Variants in NCALD observed in about 807,000 individuals in gnomAD.
NCALD encodes the protein neurocalcin-delta.
A neutral mutation model predicts 18.6 loss-of-function variants in NCALD; 10 were observed. The ratio of observed to expected loss-of-function variants is 0.54; its 90% CI spans 0.33 to 0.91. The LOEUF (loss-of-function observed/expected upper bound fraction) is 0.91, where lower values mean the gene tolerates loss of function less well. NCALD is among the 40% of genes least tolerant of loss of function. The pLI is 0.03. For synonymous variants in NCALD, 88 were observed against 87.4 expected (o/e 1.01, Z -0.04); for missense variants, 184 against 247.6 (o/e 0.74, Z 1.72).
At chr8:101,794,623 G>A (rs117418441), upstream of NCALD, among the ~76,000 whole-genome samples, 168 of 152,190 alleles carry the variant, frequency 1.1e-3, 7 homozygotes, top group East Asian at 0.022. Context: ...AACTGACATC[G>A]AGTGCTTACT....
chr8:101,816,927 T>A (rs1214728435), intron 4 of NCALD, among the ~76,000 whole-genome samples: 1 of 152,146 alleles, frequency 6.6e-6, no homozygotes, highest in Non-Finnish European at 1.5e-5. Flanking sequence ...CATCTTCCTC[T>A]TAACTTTGCT....
intron 4 of NCALD, among the ~76,000 whole-genome samples, chr8:101,884,662 ACTCT>A (rs1816610142): frequency 6.6e-6 from 1 of 151,746 alleles, no homozygotes; most frequent in South Asian, 2.1e-4. Context: ...GAAATAAACT[ACTCT>A]CTATTTTTTT....
intron 1 of NCALD, among the ~76,000 whole-genome samples, chr8:101,787,008 C>T (rs1432256447): frequency 6.6e-6 from 1 of 152,180 alleles, no homozygotes; most frequent in Non-Finnish European, 1.5e-5. Context: ...CAATATTTAT[C>T]ATATAATTTT....
At chr8:101,812,785 A>G (rs1486101904) in intron 4 of NCALD, among the ~76,000 whole-genome samples, 2 of 152,182 alleles carry the variant, frequency 1.3e-5, no homozygotes, top group Admixed American at 6.6e-5. Flanking sequence ...GGGCCTCTGT[A>G]GTTCCTACAA....
In NCALD at chr8:102,052,976, C is replaced by A. The variant is rs1294391605; in HGVS notation, c.-209-32687G>T. ...TCTTAGCCTGAGGGTCATACAAAAACAAGTATTGGGCCAGACTGAGCCCAC... is the reference window on the plus strand; with the variant it reads ...TCTTAGCCTGAGGGTCATACAAAAAAAAGTATTGGGCCAGACTGAGCCCAC... On this transcript the variant is annotated intron_variant, in intron 1 of 6. Coordinates refer to the NCALD transcript ENST00000311028. 2.6e-5 allele frequency among the ~76,000 whole-genome samples: 4 copies of A among 152,138 alleles called. No individual in the cohort carries two copies. The South Asian group carries it at 8.3e-4, about 31-fold the overall frequency.
Position 102,107,195 on chromosome 8 carries a change from C to CATATATAT in NCALD, c.-210+17034_-210+17041dup, listed in dbSNP as rs67447416. On this transcript the variant is annotated intron_variant, in intron 1 of 6. Coordinates refer to the NCALD transcript ENST00000311028. ...TATCTACAGCCTATATATGTGTGTACATATATATATATATATATATATATA... is the reference window on the plus strand; with the variant it reads ...TATCTACAGCCTATATATGTGTGTACATATATATATATATATATATATATATATATATA... Among the ~76,000 whole-genome samples the CATATATAT allele has an allele frequency of 3.0e-3, 265 of 89,252 alleles. 4 individuals are homozygous for CATATATAT. Among genetic ancestry groups the CATATATAT allele is most frequent in the Middle Eastern group, 7.4e-3 (1 of 136 alleles). 58.6% of individuals were successfully genotyped at this position (89,252 alleles called of 152,430 possible). A position where few individuals can be genotyped will look rare whatever the true frequency, so the allele number is the denominator to read the frequency against.
At position 102,025,198 on chromosome 8, in the gene NCALD, T is replaced by A. The variant is rs556864500; in HGVS notation, c.-209-4909A>T. Among the ~76,000 whole-genome samples, 26 of 152,260 alleles carry A rather than the reference T, an allele frequency of 1.7e-4. No homozygotes were observed. In the East Asian group the frequency reaches 2.7e-3, roughly 16 times the overall value. On this transcript the variant is annotated intron_variant, in intron 1 of 6. Transcript: ENST00000311028. Reference sequence around the variant, plus strand: ...GAGGCCCCTCGCTAGCTACTCTTCATTCACCTAACTTGAACTCATTCTTCA... The same window carrying A: ...GAGGCCCCTCGCTAGCTACTCTTCAATCACCTAACTTGAACTCATTCTTCA...
intron 4 of NCALD, among the ~76,000 whole-genome samples, chr8:101,849,695 C>T (rs1815013953): frequency 6.6e-6 from 1 of 152,054 alleles, no homozygotes; most frequent in African/African-American, 2.4e-5. Context: ...TAAAATTAGC[C>T]AACTGTGATG....
chr8:101,964,441 C>T (rs1253309153), intron 2 of NCALD, among the ~76,000 whole-genome samples: 3 of 152,148 alleles, frequency 2.0e-5, no homozygotes, highest in African/African-American at 7.2e-5. Flanking sequence ...GGTGACAATG[C>T]AGGGTCCCAG....
intron 1 of NCALD, among the ~76,000 whole-genome samples, chr8:102,119,236 C>T (rs1217278286): frequency 6.6e-6 from 1 of 152,146 alleles, no homozygotes; most frequent in Non-Finnish European, 1.5e-5. Context: ...AACAGTATTC[C>T]ACCTTAAAAA....
intron 2 of NCALD, among the ~76,000 whole-genome samples, chr8:102,019,538 T>G (rs1185072953): frequency 1.3e-5 from 2 of 152,174 alleles, no homozygotes; most frequent in Non-Finnish European, 1.5e-5. Context: ...ATTTCTTTCC[T>G]CAAAGAAAAC....
chr8:101,815,405 T>C (rs1384041027), intron 4 of NCALD, among the ~76,000 whole-genome samples: 1 of 152,110 alleles, frequency 6.6e-6, no homozygotes, highest in Non-Finnish European at 1.5e-5. Context: ...AACAATTGGA[T>C]ATCCACATAC....
At chr8:101,784,986 A>C (rs986446375) in intron 1 of NCALD, among the ~76,000 whole-genome samples, 16 of 152,202 alleles carry the variant, frequency 1.1e-4, no homozygotes, top group Non-Finnish European at 2.2e-4. Context: ...TGTTGAATGA[A>C]ATGACGGTAT....
intron 3 of NCALD, chr8:101,692,339 C>T: frequency 1.0e-6 from 1 of 985,360 alleles, no homozygotes; most frequent in Non-Finnish European, 1.2e-6. Context: ...TCAGTGCATG[C>T]ACAGGAGACC....
At chr8:102,031,543 A>C (rs1822669889) in intron 1 of NCALD, among the ~76,000 whole-genome samples, 1 of 152,196 alleles carries the variant, frequency 6.6e-6, no homozygotes, top group Admixed American at 6.5e-5. Context: ...ATGATGCTAC[A>C]TATTTGATGT....
intron 1 of NCALD, chr8:101,785,714 T>C (rs1812198100): frequency 6.6e-6 from 1 of 152,164 alleles, no homozygotes; most frequent in Non-Finnish European, 1.5e-5. Context: ...TAAAATACAA[T>C]GGTTTTCATT....
chr8:101,776,886 G>A (rs567897651), intron 1 of NCALD, among the ~76,000 whole-genome samples: 1 of 152,192 alleles, frequency 6.6e-6, no homozygotes, highest in South Asian at 2.1e-4. Context: ...GCTCTATTTA[G>A]ACCTGCACTC....
intron 4 of NCALD, among the ~76,000 whole-genome samples, chr8:101,836,276 C>A (rs1814409553): frequency 6.6e-6 from 1 of 152,126 alleles, no homozygotes; most frequent in South Asian, 2.1e-4. Context: ...CATTTGTAAA[C>A]ACAAATGAAA....
At chr8:101,754,449 C>A (rs1202896155) in intron 1 of NCALD, among the ~76,000 whole-genome samples, 3 of 152,056 alleles carry the variant, frequency 2.0e-5, no homozygotes, top group Non-Finnish European at 4.4e-5. Context: ...ATGAAGGTGG[C>A]AGCAGATTTG....
Sources: gnomAD v4.1 joint callset for allele counts (sites outside exome capture counted in the v4.1 genomes callset) on GRCh38, gnomAD v4.1.1 for gene constraint, MANE v1.5 for transcripts, NCBI Gene and HGNC (gene_info 2026-07-23, HGNC 2026-07-21) for gene names.